SPON1: variants seen among roughly 807,000 people sequenced by gnomAD.
SPON1 encodes spondin 1.
Under a neutral mutation model 111.7 loss-of-function variants are expected in SPON1, and 52 were observed. The ratio of observed to expected loss-of-function variants is 0.47; its 90% CI spans 0.37 to 0.59. The LOEUF (loss-of-function observed/expected upper bound fraction) is 0.59. SPON1 is among the 20% of genes least tolerant of loss of function. SPON1 has a pLI of 0.00. For missense variants in SPON1, 957 were observed against 1,068.5 expected, an observed-to-expected ratio of 0.90 and a Z score of 1.46; for synonymous variants, 410 against 395.8, an observed-to-expected ratio of 1.04 and a Z score of -0.43.
intron 9 of SPON1, among the ~76,000 whole-genome samples, chr11:14,256,182 G>C (rs1399064967): frequency 1.3e-5 from 2 of 152,226 alleles, no homozygotes; most frequent in African/African-American, 4.8e-5. Flanking sequence ...TGGAGGTGGA[G>C]GTTACAGTGA....
At chr11:14,184,414 A>G (rs1475915842) in intron 6 of SPON1, among the ~76,000 whole-genome samples, 1 of 152,216 alleles carries the variant, frequency 6.6e-6, no homozygotes, top group African/African-American at 2.4e-5. Context: ...TAATTGATGG[A>G]TTAATGACTC....
chr11:14,266,297 T>C lies in SPON1; in HGVS notation c.*610T>C, dbSNP rs1356915306. On this transcript the variant is annotated 3_prime_UTR_variant, in exon 16 of 16. Transcript: ENST00000576479. ...CGGAATACATTTGTCTCACCCCTGA[T>C]ATTGGTTCCTGATGCCCCCCCAACA... 2 of 152,208 alleles carry C rather than the reference T, an allele frequency of 1.3e-5. No homozygotes were observed. Among genetic ancestry groups the C allele is most frequent in the Non-Finnish European group, 2.9e-5 (2 of 68,044 alleles). 9.4% of individuals were successfully genotyped at this position (152,208 alleles called of 1,614,324 possible). A position where few individuals can be genotyped will look rare whatever the true frequency, so the allele number is the denominator to read the frequency against.
intron 6 of SPON1, among the ~76,000 whole-genome samples, chr11:14,176,047 G>A (rs1289014260): frequency 6.6e-6 from 1 of 152,126 alleles, no homozygotes; most frequent in Non-Finnish European, 1.5e-5. Context: ...GGGGACAGAT[G>A]ACCTCTGAAG....
rs77422849 is a variant in SPON1, at chr11:14,183,889, A to C, written c.825+48321A>C. 8.7e-4 allele frequency among the ~76,000 whole-genome samples: 48 copies of C among 54,928 alleles called. No individual in the cohort carries two copies. The East Asian group carries it at 0.041, about 47-fold the overall frequency. The allele number at this position is 54,928 out of a possible 152,430, so 36.0% of individuals were successfully genotyped here. On this transcript the variant is annotated intron_variant, in intron 6 of 15. Transcript: ENST00000576479. ...CAAGATCACATCTATAAAATATGAT[A>C]ATAATATTCACCCCCTCACAGTACA... is the stretch of plus-strand genomic sequence containing the variant.
intron 2 of SPON1, among the ~76,000 whole-genome samples, chr11:14,019,734 T>A (rs1277068247): frequency 6.6e-6 from 1 of 152,204 alleles, no homozygotes; most frequent in Non-Finnish European, 1.5e-5. Context: ...AGTAGCTCTG[T>A]GATTCACTCA....
intron 4 of SPON1, among the ~76,000 whole-genome samples, chr11:14,079,369 C>T (rs76244894): frequency 0.01 from 1,545 of 152,314 alleles, 28 homozygotes; most frequent in African/African-American, 0.036. Context: ...ATTATATATG[C>T]ATGCCTCTTT....
At chr11:14,129,806 AG>A (rs1359513094) in intron 5 of SPON1, among the ~76,000 whole-genome samples, 3 of 152,160 alleles carry the variant, frequency 2.0e-5, no homozygotes, top group Non-Finnish European at 4.4e-5. Context: ...ATGGCTGGGG[AG>A]GCCTCAGGAA....
chr11:14,073,714 C>T (rs1848895160), intron 3 of SPON1, among the ~76,000 whole-genome samples: 1 of 152,172 alleles, frequency 6.6e-6, no homozygotes, highest in Non-Finnish European at 1.5e-5. Context: ...TGATCAGCTG[C>T]AGGTTTGGTT....
At chr11:13,992,846 G>A (rs1252274007) in intron 2 of SPON1, among the ~76,000 whole-genome samples, 2 of 151,870 alleles carry the variant, frequency 1.3e-5, no homozygotes, top group Admixed American at 6.6e-5. Context: ...GTGAGGTGAC[G>A]CTCCATCCTG....
chr11:14,003,644 C>T (rs1378342949), intron 2 of SPON1, among the ~76,000 whole-genome samples: 1 of 152,074 alleles, frequency 6.6e-6, no homozygotes, highest in Non-Finnish European at 1.5e-5. Flanking sequence ...AAGGGACCTA[C>T]ATAAGCACTA....
At position 14,160,935 on chromosome 11, in the gene SPON1, A is replaced by ATATATT. The variant is rs1324731149; in HGVS notation, c.825+25372_825+25373insTTATAT. 3.6e-3 allele frequency among the ~76,000 whole-genome samples: 43 copies of ATATATT among 11,890 alleles called. 3 individuals are homozygous for ATATATT. Among genetic ancestry groups the ATATATT allele is most frequent in the South Asian group, 3.6e-3 (1 of 276 alleles). 7.8% of individuals were successfully genotyped at this position (11,890 alleles called of 152,430 possible). ...TATATATTTATATATTTATATATTTATATATATATTTATATATTTATATAT... is the reference window on the plus strand; with the variant it reads ...TATATATTTATATATTTATATATTTATATATTTATATATATTTATATATTTATATAT... On this transcript the variant is annotated intron_variant, in intron 6 of 15. Transcript: ENST00000576479.
chr11:13,965,204 A>G (rs1299665178), intron 1 of SPON1, among the ~76,000 whole-genome samples: 2 of 152,136 alleles, frequency 1.3e-5, no homozygotes, highest in African/African-American at 4.8e-5. Context: ...CTCCAGTCCC[A>G]TTCATCTACC....
chr11:13,986,460 C>T (rs1376762491), intron 2 of SPON1, among the ~76,000 whole-genome samples: 2 of 152,028 alleles, frequency 1.3e-5, no homozygotes, highest in Non-Finnish European at 2.9e-5. Flanking sequence ...TCAAATATTT[C>T]AGGTATCCCG....
rs1849142205 is a variant in SPON1 at position 14,259,121 on chromosome 11, A to G, written c.1493-159A>G. On this transcript the variant is annotated intron_variant, in intron 11 of 15. Transcript: ENST00000576479. The surrounding 1 kb of genome is among the most constrained non-coding windows in gnomAD (Gnocchi z 5.0). Reference sequence around the variant, plus strand: ...CTGGAAAAGAGGCATTTCCTCTTAGAGAACTTTGCCAGTTTAAGGATTTAG... The same window carrying G: ...CTGGAAAAGAGGCATTTCCTCTTAGGGAACTTTGCCAGTTTAAGGATTTAG... Among the ~76,000 whole-genome samples, 1 of 152,220 alleles carries G rather than the reference A, an allele frequency of 6.6e-6. No homozygotes were observed. Among genetic ancestry groups the G allele is most frequent in the Non-Finnish European group, 1.5e-5 (1 of 68,040 alleles).
chr11:14,265,541 T>C lies in SPON1; in HGVS notation c.2278T>C (p.Trp760Arg), dbSNP rs376280940. The change falls in exon 16 of 16, where the codon TGG becomes CGG. Residue 760 changes from tryptophan (W) to arginine (R), a missense_variant. Physicochemically the swap from Trp to Arg is moderately radical, Grantham distance 101. This residue lies in a region of SPON1 where 549 missense variants were observed against 606.2 expected (regional missense o/e 0.91). Coordinates refer to ENST00000576479, the MANE Select transcript of SPON1 (RefSeq NM_006108.4). Reference protein sequence around the residue: ...EQFPGCRMRPWTAWSECTKLC... With the variant: ...EQFPGCRMRPRTAWSECTKLC... ...GCTTTCAGGTTGTAGGATGCGCCCATGGACGGCCTGGTCAGAATGCACCAA... is the reference window on the plus strand; with the variant it reads ...GCTTTCAGGTTGTAGGATGCGCCCACGGACGGCCTGGTCAGAATGCACCAA... 5 of 1,613,348 alleles carry C rather than the reference T, an allele frequency of 3.1e-6. No homozygotes were observed. In the African/African-American group the frequency reaches 5.3e-5, roughly 17 times the overall value.
Position 14,004,256 on chromosome 11 carries a change from C to T in SPON1, c.345+21303C>T, listed in dbSNP as rs80199639. 7.7e-3 allele frequency among the ~76,000 whole-genome samples: 1,165 copies of T among 152,248 alleles called. 35 individuals are homozygous for T. The East Asian group carries it at 0.096, about 13-fold the overall frequency. ...CCCAAATGAACATGGACATTTAGGT[C>T]GTTTCCATATCCTGGCTATTGTTAA... On this transcript the variant is annotated intron_variant, in intron 2 of 15. Coordinates refer to ENST00000576479, the MANE Select transcript of SPON1 (RefSeq NM_006108.4).
intron 6 of SPON1, among the ~76,000 whole-genome samples, chr11:14,204,369 C>T (rs1159445595): frequency 1.3e-5 from 2 of 152,154 alleles, no homozygotes; most frequent in African/African-American, 4.8e-5. Flanking sequence ...GCAGTCTTGA[C>T]CTCCCTGGCT....
chr11:14,131,901 G>A (rs1847533765), intron 5 of SPON1, among the ~76,000 whole-genome samples: 2 of 152,138 alleles, frequency 1.3e-5, no homozygotes, highest in South Asian at 2.1e-4. Flanking sequence ...GTCCCCCGAG[G>A]GCAGCGACAT....
At chr11:14,178,893 A>G (rs1435276933) in intron 6 of SPON1, among the ~76,000 whole-genome samples, 2 of 152,198 alleles carry the variant, frequency 1.3e-5, no homozygotes, top group East Asian at 1.9e-4. Flanking sequence ...TACATTTCCT[A>G]TTGAGACCGT....
Sources: allele counts gnomAD v4.1 joint callset (sites outside exome capture counted in the v4.1 genomes callset), GRCh38; gene constraint gnomAD v4.1.1; regional missense constraint gnomAD v4.1.1; non-coding constraint Gnocchi (gnomAD v3.1); transcripts MANE v1.5; gene names NCBI Gene and HGNC (gene_info 2026-07-23, HGNC 2026-07-21).